The following ZCCHC7 variants were observed in gnomAD, a reference collection of about 807,000 sequenced individuals.
ZCCHC7 encodes zinc finger CCHC domain-containing protein 7.
A neutral mutation model predicts 52.0 loss-of-function variants in ZCCHC7; 35 were observed. The ratio of observed to expected loss-of-function variants is 0.67; its 90% CI spans 0.51 to 0.89. The LOEUF (loss-of-function observed/expected upper bound fraction) is 0.89. Among genes scored for constraint, ZCCHC7 ranks in the 40% least tolerant of loss-of-function variants. The pLI is 0.00. For synonymous variants in ZCCHC7, 217 were observed against 221.5 expected (o/e 0.98, Z 0.18); for missense variants, 574 against 649.1 (o/e 0.88, Z 1.26).
Position 37,304,248 on chromosome 9 carries a change from A to G in ZCCHC7, c.715A>G (p.Lys239Glu). 6.2e-7 allele frequency: 1 copy of G among 1,614,058 alleles called. No individual in the cohort carries two copies. The highest frequency in any genetic ancestry group is 1.7e-5 in the Admixed American group (1 of 60,024). The change falls in exon 4 of 9, where the codon AAA (lysine) becomes GAA (glutamate). Residue 239 changes from lysine to glutamate, a missense_variant. This residue lies in a region of ZCCHC7 where 403 missense variants were observed against 461.2 expected (regional missense o/e 0.87). Transcript: ENST00000336755. ...GACCCAGCGGTACTATTCAGCCAAC[A>G]AAAACATTATCTGTAGAAATTGTGA... is the stretch of plus-strand genomic sequence containing the variant. The part of the protein sequence containing the change: ...RWTQRYYSAN[K>E]NIICRNCDKR...
chr9:37,242,158 A>C (rs1312063586), intron 2 of ZCCHC7, among the ~76,000 whole-genome samples: 1 of 151,858 alleles, frequency 6.6e-6, no homozygotes, highest in African/African-American at 2.4e-5. Flanking sequence ...GGAAATCATA[A>C]CTGCTTATTT....
intron 1 of ZCCHC7, among the ~76,000 whole-genome samples, chr9:37,123,929 A>G (rs1842431052): frequency 6.6e-6 from 1 of 152,252 alleles, no homozygotes. Context: ...CAACAAGGGC[A>G]CAGGTATATG....
chr9:37,189,607 C>T (rs1440139526), intron 2 of ZCCHC7, among the ~76,000 whole-genome samples: 2 of 152,092 alleles, frequency 1.3e-5, no homozygotes, highest in African/African-American at 4.8e-5. Flanking sequence ...AGGCTGGTCT[C>T]GAACTCCTGA....
chr9:37,156,110 A>G (rs1308790340), intron 2 of ZCCHC7, among the ~76,000 whole-genome samples: 2 of 152,200 alleles, frequency 1.3e-5, no homozygotes, highest in Non-Finnish European at 2.9e-5. Context: ...TAAGCTAAAC[A>G]TTGGGATCAG....
intron 2 of ZCCHC7, among the ~76,000 whole-genome samples, chr9:37,270,119 TA>T (rs1230338278): frequency 1.3e-5 from 2 of 152,210 alleles, no homozygotes; most frequent in Non-Finnish European, 2.9e-5. Context: ...GATTACATGT[TA>T]AAATATTTTA....
intron 2 of ZCCHC7, among the ~76,000 whole-genome samples, chr9:37,149,620 TTATACA>T (rs1843598578): frequency 6.6e-6 from 1 of 152,186 alleles, no homozygotes; most frequent in African/African-American, 2.4e-5. Flanking sequence ...TTTGCTCACA[TTATACA>T]TAGAATAGAA....
chr9:37,306,245 T>C (rs1361619732), intron 5 of ZCCHC7, among the ~76,000 whole-genome samples: 1 of 151,516 alleles, frequency 6.6e-6, no homozygotes, highest in Admixed American at 6.6e-5. Flanking sequence ...TTTTTGTATT[T>C]TTAGTAGAGA....
intron 2 of ZCCHC7, among the ~76,000 whole-genome samples, chr9:37,214,078 C>A (rs1824379956): frequency 2.0e-5 from 3 of 151,104 alleles, no homozygotes; most frequent in African/African-American, 7.4e-5. Context: ...AGATATTTTA[C>A]AAAGAATCAC....
Position 37,126,694 on chromosome 9 carries a change from C to A in ZCCHC7, c.362C>A (p.Ser121Tyr). 6.2e-7 allele frequency: 1 copy of A among 1,614,126 alleles called. No individual in the cohort carries two copies. The highest frequency in any genetic ancestry group is 8.5e-7 in the Non-Finnish European group (1 of 1,180,022). ...CAAGAAAATGCCCATGGTCTTTCTTCTTCTCTTCAATCTAATGAGCTGGTT... is the reference window on the plus strand; with the variant it reads ...CAAGAAAATGCCCATGGTCTTTCTTATTCTCTTCAATCTAATGAGCTGGTT... The part of the protein sequence containing the change: ...QAQENAHGLS[S>Y]SLQSNELVDK... Residue 121 changes from serine (S) to tyrosine (Y), a missense_variant, in exon 2 of 9, where the codon TCT (serine) becomes TAT (tyrosine). Ser to Tyr is a moderately radical substitution (Grantham distance 144). Transcript: ENST00000336755.
intron 2 of ZCCHC7, among the ~76,000 whole-genome samples, chr9:37,209,994 G>C (rs1564180393): frequency 6.6e-6 from 1 of 151,768 alleles, no homozygotes; most frequent in Non-Finnish European, 1.5e-5. Flanking sequence ...TTCTTTTTCT[G>C]TTTCTTCTTC....
intron 2 of ZCCHC7, among the ~76,000 whole-genome samples, chr9:37,200,713 G>A (rs1048687073): frequency 6.6e-5 from 10 of 152,214 alleles, no homozygotes; most frequent in African/African-American, 1.4e-4. Flanking sequence ...ATAGCTGTCT[G>A]TAAATTATGC....
chr9:37,205,146 A>T, intron 2 of ZCCHC7: 1 of 301,534 alleles, frequency 3.3e-6, no homozygotes, highest in Non-Finnish European at 6.4e-6. Context: ...ATGCAGGTTA[A>T]TTCTCTTGGC....
intron 2 of ZCCHC7, among the ~76,000 whole-genome samples, chr9:37,169,504 A>G (rs1821613547): frequency 6.6e-6 from 1 of 152,212 alleles, no homozygotes; most frequent in Admixed American, 6.5e-5. Flanking sequence ...ATGTAGCTCC[A>G]GTGGGAATTT....
At chr9:37,265,113 C>A (rs1827040636) in intron 2 of ZCCHC7, among the ~76,000 whole-genome samples, 4 of 152,146 alleles carry the variant, frequency 2.6e-5, no homozygotes, top group Admixed American at 2.6e-4. Context: ...AATTATGAAT[C>A]TCTTCCCTAG....
At chr9:37,186,759 A>G in intron 2 of ZCCHC7, 1 of 563,526 alleles carries the variant, frequency 1.8e-6, no homozygotes, top group Non-Finnish European at 3.3e-6. Context: ...TAAAGATGGA[A>G]TGATTCATTT....
intron 5 of ZCCHC7, among the ~76,000 whole-genome samples, chr9:37,320,187 C>T (rs1449008833): frequency 1.3e-5 from 2 of 152,148 alleles, no homozygotes; most frequent in Non-Finnish European, 2.9e-5. Context: ...AAGCAATTCT[C>T]CTGTCTCAGC....
At chr9:37,349,223 G>A (rs894545746) in intron 6 of ZCCHC7, 134 bp from the exon 7 acceptor site, 11 of 702,920 alleles carry the variant, frequency 1.6e-5, no homozygotes, top group East Asian at 2.7e-5. Context: ...ATATGGAATC[G>A]CCTGAATACA....
intron 6 of ZCCHC7, among the ~76,000 whole-genome samples, chr9:37,344,085 G>C (rs1820803927): frequency 6.6e-6 from 1 of 152,184 alleles, no homozygotes; most frequent in Admixed American, 6.5e-5. Flanking sequence ...GGCCAAGTCA[G>C]GAGGATTGCT....
chr9:37,131,813 C>T (rs890351297), intron 2 of ZCCHC7, among the ~76,000 whole-genome samples: 7 of 152,094 alleles, frequency 4.6e-5, no homozygotes, highest in Admixed American at 4.6e-4. Context: ...CCTGAGGCTC[C>T]ATTGAGACTG....
Sources: gnomAD v4.1 joint callset for allele counts (sites outside exome capture counted in the v4.1 genomes callset) on GRCh38, gnomAD v4.1.1 for gene constraint, gnomAD v4.1.1 regional missense constraint, MANE v1.5 for transcripts, NCBI Gene and HGNC (gene_info 2026-07-23, HGNC 2026-07-21) for gene names.